CNBD2: variants seen among roughly 807,000 people sequenced by gnomAD.
CNBD2 encodes cyclic nucleotide-binding domain-containing protein 2.
CNBD2 carries 64 observed loss-of-function variants against 63.7 expected under a neutral mutation model. The observed-to-expected ratio is 1.00, with a 90% CI of 0.82 to 1.24. The LOEUF is 1.24. Ranked by LOEUF, CNBD2 falls within the 50% of genes most tolerant of loss-of-function variation. The probability of loss-of-function intolerance (pLI) is 0.00; values close to 1 mark genes in which losing one functional copy is unlikely to be tolerated. For synonymous variants in CNBD2, 229 were observed against 255.4 expected, an observed-to-expected ratio of 0.90 and a Z score of 0.99; for missense variants, 691 against 713.5, an observed-to-expected ratio of 0.97 and a Z score of 0.36.
chr20:35,967,149 GGCGGTAGATAAGGCACCAAAGTGA>G (rs1257252915), upstream of CNBD2, among the ~76,000 whole-genome samples: 2 of 151,854 alleles, frequency 1.3e-5, no homozygotes, highest in African/African-American at 4.8e-5. Context: ...AGCTCGACCA[GGCGGTAGATAAGGCACCAAAGTGA>G]GTCATGGAGA....
intron 7 of CNBD2, among the ~76,000 whole-genome samples, chr20:35,993,594 T>G (rs1026642742): frequency 1.3e-5 from 2 of 152,200 alleles, no homozygotes; most frequent in African/African-American, 4.8e-5. Flanking sequence ...TTTATGTAAA[T>G]GAATTCGTTG....
At chr20:36,012,327 A>G (rs1166070076) in intron 10 of CNBD2, among the ~76,000 whole-genome samples, 1 of 151,514 alleles carries the variant, frequency 6.6e-6, no homozygotes, top group South Asian at 2.1e-4. Flanking sequence ...AACCCAAACC[A>G]AAAAGCCAGG....
chr20:35,995,283 C>A (rs1478826470), intron 8 of CNBD2, 131 bp downstream of exon 8: 1 of 563,714 alleles, frequency 1.8e-6, no homozygotes, highest in East Asian at 3.1e-5. Flanking sequence ...CTTCTACCAG[C>A]GGTGGAAACC....
intron 8 of CNBD2, among the ~76,000 whole-genome samples, chr20:36,004,070 C>T (rs1024950309): frequency 6.6e-6 from 1 of 152,034 alleles, no homozygotes; most frequent in African/African-American, 2.4e-5. Flanking sequence ...AGAGAACATG[C>T]CCAAGATGGA....
At chr20:35,962,360 G>A (rs967568394) in intron 2 of CNBD2, among the ~76,000 whole-genome samples, 14 of 149,982 alleles carry the variant, frequency 9.3e-5, no homozygotes, top group South Asian at 6.5e-4. Context: ...CTGGGTTCAC[G>A]CCATTCTCCT....
At position 36,023,715 on chromosome 20, in the gene CNBD2, T is replaced by C; in HGVS notation, c.1383T>C (p.Ile461=). ...RIRKEIFYEL[I]DNDDEMIKKL... is the part of the protein sequence containing the mutation. ...GGAAGGAAATATTTTATGAACTGAT[T>C]GACAATGATGACGAGATGATAAAAA... Residue 461 remains isoleucine, a synonymous_variant, in exon 11 of 12, where the codon ATT becomes ATC. Coordinates refer to ENST00000373973, the MANE Select transcript of CNBD2 (RefSeq NM_001365709.1). The C allele has an allele frequency of 2.5e-6, 4 of 1,613,796 alleles. No individual in the cohort carries two copies. Among genetic ancestry groups the C allele is most frequent in the Non-Finnish European group, 3.4e-6 (4 of 1,179,892 alleles).
upstream of CNBD2, among the ~76,000 whole-genome samples, chr20:35,966,510 G>C (rs1271213516): frequency 6.6e-6 from 1 of 152,156 alleles, no homozygotes; most frequent in African/African-American, 2.4e-5. Flanking sequence ...ATACTCAATT[G>C]TCATCTTTAA....
chr20:35,972,601 A>G (rs2056435632), intron 1 of CNBD2, 28 bp from the exon 2 acceptor site: 1 of 1,612,208 alleles, frequency 6.2e-7, no homozygotes, highest in East Asian at 2.2e-5. Flanking sequence ...GATGGTTTCT[A>G]TTGATCTTGT....
chr20:36,024,398 G>A (rs1220368271), intron 11 of CNBD2, among the ~76,000 whole-genome samples: 1 of 152,016 alleles, frequency 6.6e-6, no homozygotes, highest in African/African-American at 2.4e-5. Context: ...GGAGGCCAAG[G>A]CAAGTGGATC....
chr20:35,986,491 G>GATGGA (rs1278058624), intron 6 of CNBD2, among the ~76,000 whole-genome samples: 83 of 152,290 alleles, frequency 5.5e-4, no homozygotes, highest in African/African-American at 2.0e-3. Flanking sequence ...TCATGGTGAG[G>GATGGA]ATGGAATGGA....
At chr20:36,009,668 C>T (rs1367403557) in intron 9 of CNBD2, among the ~76,000 whole-genome samples, 2 of 151,952 alleles carry the variant, frequency 1.3e-5, no homozygotes, top group East Asian at 3.9e-4. Context: ...CCCGTCTCTA[C>T]TAAAAATACA....
intron 9 of CNBD2, among the ~76,000 whole-genome samples, chr20:36,010,884 C>T (rs1254228253): frequency 6.6e-6 from 1 of 152,216 alleles, no homozygotes; most frequent in East Asian, 1.9e-4. Context: ...GCCCCTGCCT[C>T]CAGGAGAACA....
intron 7 of CNBD2, among the ~76,000 whole-genome samples, chr20:35,989,858 TGA>T (rs2056718669): frequency 1.0e-5 from 1 of 96,660 alleles, no homozygotes; most frequent in Admixed American, 1.5e-4. Context: ...GAAAGACAGA[TGA>T]GAGAGGGAGA....
chr20:35,963,936 G>A (rs1488701290), upstream of CNBD2, among the ~76,000 whole-genome samples: 1 of 152,172 alleles, frequency 6.6e-6, no homozygotes, highest in Non-Finnish European at 1.5e-5. Context: ...GAAGACTTTG[G>A]TGAATTACAG....
Position 35,981,820 on chromosome 20 carries a change from G to A in CNBD2, c.407+1198G>A, listed in dbSNP as rs556864589. Among the ~76,000 whole-genome samples the A allele has an allele frequency of 1.2e-4, 19 of 152,242 alleles. No individual in the cohort carries two copies. The East Asian group carries it at 3.3e-3, about 26-fold the overall frequency. On this transcript the variant is annotated intron_variant, in intron 4 of 11. Transcript: ENST00000373973. ...AAGCCCACAGCCACAATGGAGGCTG[G>A]GCAGTACTGACTCCAGCCTGGTGTG... is the stretch of plus-strand genomic sequence containing the variant.
chr20:36,016,302 A>T (rs936132054), intron 10 of CNBD2, among the ~76,000 whole-genome samples: 2 of 152,222 alleles, frequency 1.3e-5, no homozygotes, highest in African/African-American at 4.8e-5. Flanking sequence ...ATAGTGGAAT[A>T]GAAAAAGGGC....
At chr20:35,996,718 G>C (rs966679042) in intron 8 of CNBD2, among the ~76,000 whole-genome samples, 2 of 152,112 alleles carry the variant, frequency 1.3e-5, no homozygotes, top group Non-Finnish European at 2.9e-5. Flanking sequence ...GTGTTGGCCA[G>C]GCTGGTCTCG....
chr20:36,000,984 CA>C (rs1197602331), intron 8 of CNBD2, among the ~76,000 whole-genome samples: 1 of 150,606 alleles, frequency 6.6e-6, no homozygotes, highest in Non-Finnish European at 1.5e-5. Context: ...ATCTGTTTAA[CA>C]AAGCACATCT....
intron 10 of CNBD2, among the ~76,000 whole-genome samples, chr20:36,017,490 G>C (rs1412313565): frequency 6.6e-6 from 1 of 152,136 alleles, no homozygotes. Context: ...CCAGTCCCTA[G>C]CACAGCCCTC....
Sources: allele counts gnomAD v4.1 joint callset (sites outside exome capture counted in the v4.1 genomes callset), GRCh38; gene constraint gnomAD v4.1.1; transcripts MANE v1.5; gene names NCBI Gene and HGNC (gene_info 2026-07-23, HGNC 2026-07-21).